GPC6: variants seen among roughly 807,000 people sequenced by gnomAD.
The protein encoded by GPC6 is glypican-6.
Under a neutral mutation model 55.2 loss-of-function variants are expected in GPC6, and 14 were observed. The ratio of observed to expected loss-of-function variants is 0.25; its 90% CI spans 0.17 to 0.40. The LOEUF (loss-of-function observed/expected upper bound fraction) is 0.40, where lower values mean the gene tolerates loss of function less well. GPC6 is among the 10% of genes least tolerant of loss of function. GPC6 has a pLI of 1.00. For synonymous variants in GPC6, 278 were observed against 259.6 expected (o/e 1.07, Z -0.68); for missense variants, 641 against 708.5 (o/e 0.90, Z 1.08).
At chr13:93,413,328 G>A (rs1235081637) in intron 1 of GPC6, among the ~76,000 whole-genome samples, 1 of 152,010 alleles carries the variant, frequency 6.6e-6, no homozygotes, top group Admixed American at 6.6e-5. Flanking sequence ...AATCAATATC[G>A]CTGCAACTGA....
Position 93,408,237 on chromosome 13 carries a change from A to G in GPC6, c.161-137026A>G, listed in dbSNP as rs1021713634. Among the ~76,000 whole-genome samples, 5 of 152,270 alleles carry G rather than the reference A, an allele frequency of 3.3e-5. No homozygotes were observed. The East Asian group carries it at 9.7e-4, about 29-fold the overall frequency. Reference sequence around the variant, plus strand: ...GAGCATGTGAAATAACTCAATAGCCATTTCAAACTATGTTTAATCATTTAT... The same window carrying G: ...GAGCATGTGAAATAACTCAATAGCCGTTTCAAACTATGTTTAATCATTTAT... On this transcript the variant is annotated intron_variant, in intron 1 of 8. Coordinates refer to ENST00000377047, the MANE Select transcript of GPC6 (RefSeq NM_005708.5).
At chr13:93,855,827 T>C (rs1172899329) in intron 3 of GPC6, among the ~76,000 whole-genome samples, 1 of 151,770 alleles carries the variant, frequency 6.6e-6, no homozygotes, top group African/African-American at 2.4e-5. Flanking sequence ...TTGCCATTTG[T>C]ATGCCATTTG....
intron 3 of GPC6, among the ~76,000 whole-genome samples, chr13:94,009,200 C>T (rs1882142050): frequency 6.6e-6 from 1 of 152,056 alleles, no homozygotes; most frequent in Non-Finnish European, 1.5e-5. Context: ...ATAAATATTA[C>T]TTATGGACAG....
chr13:93,813,791 A>T (rs1199723507), intron 2 of GPC6, among the ~76,000 whole-genome samples: 1 of 129,820 alleles, frequency 7.7e-6, no homozygotes, highest in East Asian at 2.3e-4. Flanking sequence ...ATAGTTTATC[A>T]AGTGTATTTT....
chr13:94,069,132 G>A (rs1440445230), intron 4 of GPC6, among the ~76,000 whole-genome samples: 2 of 152,306 alleles, frequency 1.3e-5, no homozygotes, highest in Admixed American at 1.3e-4. Flanking sequence ...TACATCTTCT[G>A]AAATCTAGGT....
intron 1 of GPC6, among the ~76,000 whole-genome samples, chr13:93,277,319 A>G (rs1488615410): frequency 6.6e-6 from 1 of 152,228 alleles, no homozygotes; most frequent in Non-Finnish European, 1.5e-5. Flanking sequence ...CATCACATCT[A>G]TAAAACGATG....
intron 2 of GPC6, among the ~76,000 whole-genome samples, chr13:93,650,838 T>G (rs1187878647): frequency 6.6e-6 from 1 of 151,418 alleles, no homozygotes; most frequent in African/African-American, 2.4e-5. Context: ...CATTCTGTTC[T>G]CAGACCTGTC....
In GPC6 at chr13:94,019,324, G is replaced by A. The variant is rs61962270; in HGVS notation, c.712-8405G>A. Among the ~76,000 whole-genome samples, 582 of 152,136 alleles carry A rather than the reference G, an allele frequency of 3.8e-3. 1 individual carries two copies. Among genetic ancestry groups the A allele is most frequent in the Admixed American group, 6.9e-3 (106 of 15,270 alleles). On this transcript the variant is annotated intron_variant, in intron 3 of 8. Transcript: ENST00000377047. ...CTTTCCAGGGATTTTTTGTATTAAG[G>A]TTATATAATTTGTGGGTGTATATTA...
At chr13:93,789,507 CTCTATATATATA>C (rs1327157835) in intron 2 of GPC6, among the ~76,000 whole-genome samples, 2 of 89,984 alleles carry the variant, frequency 2.2e-5, no homozygotes, top group South Asian at 3.7e-4. Flanking sequence ...CTCTCTCTCT[CTCTATATATATA>C]TATATATATA....
chr13:94,034,933 TATA>T (rs1277278984), intron 4 of GPC6, among the ~76,000 whole-genome samples: 3 of 150,126 alleles, frequency 2.0e-5, no homozygotes, highest in Admixed American at 6.7e-5. Flanking sequence ...TTAAAATATA[TATA>T]ATATGATAGG....
At chr13:93,475,400 A>G (rs528772739) in intron 1 of GPC6, among the ~76,000 whole-genome samples, 1 of 84,272 alleles carries the variant, frequency 1.2e-5, no homozygotes, top group African/African-American at 4.5e-5. Context: ...ATGAAACTGT[A>G]TGATAGTACC....
intron 3 of GPC6, among the ~76,000 whole-genome samples, chr13:93,861,407 T>TA (rs34697552): frequency 7.5e-4 from 106 of 142,236 alleles, no homozygotes; most frequent in East Asian, 2.7e-3. Context: ...GTTGTATATG[T>TA]AAAAAAAAAA....
At chr13:93,293,868 C>T (rs1594078212) in intron 1 of GPC6, among the ~76,000 whole-genome samples, 1 of 151,124 alleles carries the variant, frequency 6.6e-6, no homozygotes, top group Admixed American at 6.6e-5. Flanking sequence ...ACTAGGAGCA[C>T]AGGGGAGACA....
intron 2 of GPC6, among the ~76,000 whole-genome samples, chr13:93,676,116 AAAAAAAAAAAATATATATATATATAT>A (rs1490242469): frequency 1.9e-4 from 3 of 15,878 alleles, no homozygotes; most frequent in African/African-American, 4.6e-4. Context: ...TAAAAAAAAA[AAAAAAAAAAAATATATATATATATAT>A]ATATATATAT....
intron 4 of GPC6, among the ~76,000 whole-genome samples, chr13:94,201,812 G>C (rs915953595): frequency 1.7e-4 from 26 of 152,086 alleles, no homozygotes; most frequent in African/African-American, 6.0e-4. Context: ...AGCTGGGCGT[G>C]GTGGCGGGTG....
intron 1 of GPC6, among the ~76,000 whole-genome samples, chr13:93,479,607 G>GCCCCC (rs1879430480): frequency 1.8e-5 from 1 of 54,986 alleles, no homozygotes; most frequent in African/African-American, 6.4e-5. Context: ...AACGTGGTGA[G>GCCCCC]ACCCCCCCCC....
chr13:94,255,737 G>A (rs1030845322), intron 4 of GPC6, among the ~76,000 whole-genome samples: 2 of 152,158 alleles, frequency 1.3e-5, no homozygotes, highest in African/African-American at 4.8e-5. Flanking sequence ...TCAGCCAGGA[G>A]GGCTCTACAG....
intron 4 of GPC6, among the ~76,000 whole-genome samples, chr13:94,060,360 T>C (rs1884277382): frequency 6.6e-6 from 1 of 152,184 alleles, no homozygotes; most frequent in South Asian, 2.1e-4. Flanking sequence ...ATCTTTGTTG[T>C]GTTCCCTGAT....
intron 3 of GPC6, among the ~76,000 whole-genome samples, chr13:93,936,149 A>G (rs888294896): frequency 6.6e-6 from 1 of 152,180 alleles, no homozygotes; most frequent in Non-Finnish European, 1.5e-5. Flanking sequence ...TAGAGAAACA[A>G]TATCATTCAA....
Sources: allele counts gnomAD v4.1 joint callset (sites outside exome capture counted in the v4.1 genomes callset), GRCh38; gene constraint gnomAD v4.1.1; transcripts MANE v1.5; gene names NCBI Gene and HGNC (gene_info 2026-07-23, HGNC 2026-07-21).